The following TRIO variants were observed in gnomAD, a reference collection of about 807,000 sequenced individuals.
TRIO encodes the protein triple functional domain protein.
TRIO carries 58 observed loss-of-function variants against 351.9 expected under a neutral mutation model. The observed-to-expected ratio is 0.16, with a 90% CI of 0.13 to 0.21. TRIO has a LOEUF of 0.21. Ranked by LOEUF, TRIO falls within the 10% of genes least tolerant of loss-of-function variation. The probability of loss-of-function intolerance (pLI) is 1.00; values close to 1 mark genes in which losing one functional copy is unlikely to be tolerated. For missense variants in TRIO, 3,201 were observed against 4,027.8 expected (o/e 0.79, Z 5.56); for synonymous variants, 1,758 against 1,595.7 (o/e 1.10, Z -2.42).
At chr5:14,375,331 A>G (rs1331801349) in intron 19 of TRIO, among the ~76,000 whole-genome samples, 1 of 152,084 alleles carries the variant, frequency 6.6e-6, no homozygotes, top group Non-Finnish European at 1.5e-5. Context: ...CCATCTCTCA[A>G]TATTGCTTTC....
chr5:14,260,834 C>G (rs968607155), intron 1 of TRIO, among the ~76,000 whole-genome samples: 13 of 152,160 alleles, frequency 8.5e-5, no homozygotes, highest in Admixed American at 3.3e-4. Flanking sequence ...AACATAATTA[C>G]AGGTCACTCA....
chr5:14,491,248 A>T (rs1756460884), intron 48 of TRIO, among the ~76,000 whole-genome samples: 1 of 152,188 alleles, frequency 6.6e-6, no homozygotes, highest in Non-Finnish European at 1.5e-5. Context: ...TCCAGCGTGT[A>T]CTGATACTGG....
At chr5:14,445,205 T>G (rs1752350424) in intron 34 of TRIO, among the ~76,000 whole-genome samples, 1 of 151,858 alleles carries the variant, frequency 6.6e-6, no homozygotes, top group Non-Finnish European at 1.5e-5. Flanking sequence ...ATCCATGGAG[T>G]CTTCCTCATT....
At chr5:14,278,039 T>A (rs993573919) in intron 2 of TRIO, among the ~76,000 whole-genome samples, 17 of 152,184 alleles carry the variant, frequency 1.1e-4, no homozygotes, top group Non-Finnish European at 2.2e-4. Flanking sequence ...AAGTGAAAAT[T>A]TTTCCTCTAT....
At chr5:14,299,272 G>A (rs1737652120) in intron 7 of TRIO, among the ~76,000 whole-genome samples, 2 of 152,154 alleles carry the variant, frequency 1.3e-5, no homozygotes, top group Non-Finnish European at 2.9e-5. Flanking sequence ...GAAACTAGGT[G>A]AACACATTAT....
chr5:14,462,589 T>C (rs940204196), intron 35 of TRIO, among the ~76,000 whole-genome samples, 166 bp from the exon 36 acceptor site: 2 of 152,224 alleles, frequency 1.3e-5, no homozygotes, highest in African/African-American at 4.8e-5. Flanking sequence ...AGCAAAGCTA[T>C]TGGGTAGCAG....
intron 1 of TRIO, among the ~76,000 whole-genome samples, chr5:14,267,842 T>C (rs1318209568): frequency 6.6e-6 from 1 of 152,216 alleles, no homozygotes; most frequent in East Asian, 1.9e-4. Flanking sequence ...AACTCAAGTT[T>C]CTTTGTGTGG....
chr5:14,351,909 C>T (rs1240048707), intron 11 of TRIO, among the ~76,000 whole-genome samples: 1 of 152,238 alleles, frequency 6.6e-6, no homozygotes, highest in Non-Finnish European at 1.5e-5. Context: ...CGAGGGTCCA[C>T]CACCCCAGCC....
At chr5:14,349,008 T>C (rs1742744200) in intron 11 of TRIO, among the ~76,000 whole-genome samples, 2 of 151,392 alleles carry the variant, frequency 1.3e-5, no homozygotes, top group East Asian at 2.0e-4. Context: ...CATGAGCATG[T>C]TTTTCTTGTG....
chr5:14,233,316 T>TAAAAAAA (rs35925373), intron 1 of TRIO, among the ~76,000 whole-genome samples: 1 of 109,238 alleles, frequency 9.2e-6, no homozygotes, highest in African/African-American at 3.7e-5. Context: ...CCTCGTCTCT[T>TAAAAAAA]AAAAAAAAAA....
intron 18 of TRIO, among the ~76,000 whole-genome samples, chr5:14,373,734 C>A (rs1356524825): frequency 6.6e-6 from 1 of 152,220 alleles, no homozygotes; most frequent in Admixed American, 6.5e-5. Flanking sequence ...TTACCTGTCA[C>A]CTGTGGCTGC....
At chr5:14,220,549 C>G (rs947758032) in intron 1 of TRIO, among the ~76,000 whole-genome samples, 1 of 152,198 alleles carries the variant, frequency 6.6e-6, no homozygotes, top group Non-Finnish European at 1.5e-5. Flanking sequence ...AGCTAGGCCT[C>G]TTGTGCCAAA....
chr5:14,329,715 T>G (rs1275886729), intron 9 of TRIO, among the ~76,000 whole-genome samples: 1 of 151,230 alleles, frequency 6.6e-6, no homozygotes, highest in Non-Finnish European at 1.5e-5. Context: ...CTTTTAAAGT[T>G]TTTAGTTTTT....
At position 14,465,652 on chromosome 5, in the gene TRIO, C is replaced by G; in HGVS notation, c.5763+12C>G. On this transcript the variant is annotated intron_variant, in intron 37 of 56. Coordinates refer to ENST00000344204, the MANE Select transcript of TRIO (RefSeq NM_007118.4). ...TGAAAAGCAAGATGGTGAGGCCTCC[C>G]AGAGAAAGTCTGACTTTTGGAAGCT... is the stretch of plus-strand genomic sequence containing the variant. 1.2e-6 allele frequency: 2 copies of G among 1,613,974 alleles called. No homozygotes were observed. Among genetic ancestry groups the G allele is most frequent in the African/African-American group, 2.7e-5 (2 of 75,040 alleles).
Position 14,270,885 on chromosome 5 carries a change from T to C in TRIO, c.218T>C (p.Val73Ala). 1 of 1,613,756 alleles carries C rather than the reference T, an allele frequency of 6.2e-7. No homozygotes were observed. The highest frequency in any genetic ancestry group is 8.5e-7 in the Non-Finnish European group (1 of 1,179,716). Residue 73 changes from valine to alanine, a missense_variant, in exon 2 of 57, where the codon GTT (valine) becomes GCT (alanine). Physicochemically the swap from Val to Ala is moderately conservative, Grantham distance 64. Around this residue, in one of 19 missense-constraint regions of TRIO, gnomAD observed 109 missense variants for 134.6 expected, o/e 0.81. Coordinates refer to ENST00000344204, the MANE Select transcript of TRIO (RefSeq NM_007118.4). The stretch of plus-strand genomic sequence containing the variant: ...GTTTTACCAATTTTGAAGGAAAAAG[T>C]TGCATACCTTTCAGGTAAAGTTTAA... Reference protein sequence around the residue: ...MDVLPILKEKVAYLSGGRDKR... With the variant: ...MDVLPILKEKAAYLSGGRDKR...
intron 11 of TRIO, among the ~76,000 whole-genome samples, chr5:14,352,924 C>T (rs1045661279): frequency 1.3e-5 from 2 of 151,540 alleles, no homozygotes; most frequent in South Asian, 2.1e-4. Context: ...GAAGGGAAAA[C>T]GTTTGACCCC....
At chr5:14,421,003 T>C (rs1750080378) in intron 34 of TRIO, among the ~76,000 whole-genome samples, 1 of 152,182 alleles carries the variant, frequency 6.6e-6, no homozygotes, top group South Asian at 2.1e-4. Context: ...GGTTGGGTTT[T>C]TGAATGTTGC....
chr5:14,199,805 T>C (rs375916947), intron 1 of TRIO, among the ~76,000 whole-genome samples: 2 of 152,368 alleles, frequency 1.3e-5, no homozygotes, highest in East Asian at 1.9e-4. Context: ...GTCCTGGGTC[T>C]GACCATTGCC....
At chr5:14,482,138 G>T (rs2126609574) in intron 45 of TRIO, among the ~76,000 whole-genome samples, 1 of 152,262 alleles carries the variant, frequency 6.6e-6, no homozygotes, top group Non-Finnish European at 1.5e-5. Flanking sequence ...GGCAGGAGAA[G>T]TTTTTATTTT....
Sources: allele counts gnomAD v4.1 joint callset (sites outside exome capture counted in the v4.1 genomes callset), GRCh38; gene constraint gnomAD v4.1.1; regional missense constraint gnomAD v4.1.1; transcripts MANE v1.5; gene names NCBI Gene and HGNC (gene_info 2026-07-23, HGNC 2026-07-21).